Variants in RARB observed in about 807,000 individuals in gnomAD.
RARB encodes the protein retinoic acid receptor beta.
RARB carries 17 observed loss-of-function variants against 51.9 expected under a neutral mutation model. The ratio of observed to expected loss-of-function variants is 0.33; its 90% confidence interval spans 0.22 to 0.49. The LOEUF is 0.49. Ranked by LOEUF, RARB falls within the 20% of genes least tolerant of loss-of-function variation. The probability of loss-of-function intolerance (pLI) is 0.99; values close to 1 mark genes in which losing one functional copy is unlikely to be tolerated. For missense variants in RARB, 369 were observed against 550.8 expected, an observed-to-expected ratio of 0.67 and a Z score of 3.30; for synonymous variants, 215 against 195.4, an observed-to-expected ratio of 1.10 and a Z score of -0.84.
chr3:25,025,378 T>C (rs903584822), intron 2 of RARB, among the ~76,000 whole-genome samples: 1 of 152,192 alleles, frequency 6.6e-6, no homozygotes, highest in African/African-American at 2.4e-5. Context: ...TTAAGTAATG[T>C]CTATATTGTG....
chr3:25,024,025 G>A (rs929060511), intron 2 of RARB, among the ~76,000 whole-genome samples: 4 of 152,080 alleles, frequency 2.6e-5, no homozygotes, highest in African/African-American at 9.7e-5. Flanking sequence ...TGAAGAAACT[G>A]GGCTTAGATA....
At chr3:25,346,659 C>T (rs759793934) in intron 5 of RARB, among the ~76,000 whole-genome samples, 7 of 152,106 alleles carry the variant, frequency 4.6e-5, no homozygotes, top group Non-Finnish European at 7.4e-5. Flanking sequence ...TCAGGAAGCT[C>T]GAAGTGGCTG....
At chr3:25,428,119 G>C (rs1428669525), upstream of RARB, 2 of 786,528 alleles carry the variant, frequency 2.5e-6, no homozygotes, top group Admixed American at 4.4e-5. Flanking sequence ...TGCTTTTGCA[G>C]GGCTGCTGGG....
chr3:25,077,593 A>C (rs1698896706), intron 3 of RARB, among the ~76,000 whole-genome samples: 1 of 152,244 alleles, frequency 6.6e-6, no homozygotes, highest in African/African-American at 2.4e-5. Context: ...TGGTGGATGG[A>C]CATTTGGTTA....
At chr3:24,886,179 T>C (rs1326894717) in intron 2 of RARB, among the ~76,000 whole-genome samples, 1 of 152,200 alleles carries the variant, frequency 6.6e-6, no homozygotes, top group African/African-American at 2.4e-5. Flanking sequence ...GCATTTCTTT[T>C]CTGTGAGGCA....
chr3:25,099,438 A>G (rs1181238442), intron 3 of RARB, among the ~76,000 whole-genome samples: 1 of 152,158 alleles, frequency 6.6e-6, no homozygotes, highest in African/African-American at 2.4e-5. Context: ...CATTTCATTT[A>G]TAATGTCTTA....
intron 2 of RARB, among the ~76,000 whole-genome samples, chr3:24,950,504 T>A (rs1426153223): frequency 2.0e-5 from 3 of 152,182 alleles, no homozygotes; most frequent in Non-Finnish European, 4.4e-5. Flanking sequence ...ATATGCTAGT[T>A]TTTTCTGGTT....
At chr3:25,323,591 C>T (rs1704631278) in intron 5 of RARB, among the ~76,000 whole-genome samples, 2 of 152,310 alleles carry the variant, frequency 1.3e-5, no homozygotes, top group Admixed American at 6.5e-5. Flanking sequence ...GATGCCATAA[C>T]TTTGGCTTGT....
At chr3:25,112,288 C>A (rs1699616797) in intron 3 of RARB, among the ~76,000 whole-genome samples, 2 of 152,074 alleles carry the variant, frequency 1.3e-5, no homozygotes, top group Non-Finnish European at 2.9e-5. Flanking sequence ...ACATGATGAA[C>A]CTTGCTACTC....
intron 3 of RARB, among the ~76,000 whole-genome samples, chr3:25,533,511 A>G (rs969370216): frequency 3.3e-5 from 5 of 152,214 alleles, no homozygotes; most frequent in Non-Finnish European, 5.9e-5. Flanking sequence ...AGTATAGCAC[A>G]TGGAATGCAA....
intron 3 of RARB, among the ~76,000 whole-genome samples, chr3:25,064,098 C>T (rs1198350847): frequency 6.6e-6 from 1 of 152,006 alleles, no homozygotes; most frequent in Non-Finnish European, 1.5e-5. Context: ...TGTAAAAATG[C>T]CAAAGCTAAT....
intron 2 of RARB, among the ~76,000 whole-genome samples, chr3:24,950,418 TCTC>T (rs1695864766): frequency 6.6e-6 from 1 of 152,198 alleles, no homozygotes; most frequent in African/African-American, 2.4e-5. Context: ...GTAATAATAA[TCTC>T]CTGTTTACAT....
chr3:25,164,218 T>G (rs2125348090), intron 4 of RARB, among the ~76,000 whole-genome samples: 1 of 152,306 alleles, frequency 6.6e-6, no homozygotes. Flanking sequence ...TGGAGGATGG[T>G]CAAGTGATCT....
intron 2 of RARB, among the ~76,000 whole-genome samples, chr3:24,986,342 C>T (rs759700797): frequency 7.2e-5 from 11 of 152,108 alleles, no homozygotes; most frequent in Non-Finnish European, 1.0e-4. Context: ...TTCCAACTTC[C>T]GTCTCTTCTT....
intron 2 of RARB, among the ~76,000 whole-genome samples, chr3:25,035,466 C>T (rs9848650): frequency 1.1e-3 from 151 of 138,778 alleles, no homozygotes; most frequent in African/African-American, 4.1e-3. Flanking sequence ...GTAGCTATTC[C>T]ATCATGTGGA....
At chr3:24,840,178 T>C (rs1024673931) in intron 1 of RARB, among the ~76,000 whole-genome samples, 1 of 152,234 alleles carries the variant, frequency 6.6e-6, no homozygotes, top group Non-Finnish European at 1.5e-5. Context: ...TAAGTATTAC[T>C]GCTATGGTTC....
chr3:25,248,491 C>T (rs1046905221), intron 5 of RARB, among the ~76,000 whole-genome samples: 25 of 152,068 alleles, frequency 1.6e-4, no homozygotes, highest in African/African-American at 5.6e-4. Flanking sequence ...GTAGTTGTAA[C>T]CATTGGACCC....
At chr3:25,000,938 T>C (rs760551015) in intron 2 of RARB, among the ~76,000 whole-genome samples, 8 of 152,176 alleles carry the variant, frequency 5.3e-5, no homozygotes, top group Non-Finnish European at 7.3e-5. Flanking sequence ...AGTTTTCACA[T>C]AGCAGTTGAT....
intron 2 of RARB, among the ~76,000 whole-genome samples, chr3:25,500,671 G>C (rs1216201077): frequency 1.3e-5 from 2 of 151,578 alleles, no homozygotes; most frequent in African/African-American, 4.9e-5. Flanking sequence ...TAGAGACAGG[G>C]TTTCACCATG....
Sources: allele counts gnomAD v4.1 joint callset (sites outside exome capture counted in the v4.1 genomes callset), GRCh38; gene constraint gnomAD v4.1.1; transcripts MANE v1.5; gene names NCBI Gene and HGNC (gene_info 2026-07-23, HGNC 2026-07-21).